The following SH3RF1 variants were observed in gnomAD, a reference collection of about 807,000 sequenced individuals.
SH3RF1 encodes the protein E3 ubiquitin-protein ligase SH3RF1.
In SH3RF1, 32 loss-of-function variants were observed where a neutral mutation model predicts 74.0. The observed-to-expected ratio is 0.43, with a 90% CI of 0.33 to 0.58. The LOEUF is 0.58. SH3RF1 is among the 20% of genes least tolerant of loss of function. The pLI is 0.05. For synonymous variants in SH3RF1, 396 were observed against 439.6 expected (o/e 0.90, Z 1.24); for missense variants, 954 against 1,130.9 (o/e 0.84, Z 2.24).
At chr4:169,245,722 G>A (rs576270360) in intron 2 of SH3RF1, among the ~76,000 whole-genome samples, 4 of 152,308 alleles carry the variant, frequency 2.6e-5, no homozygotes, top group African/African-American at 9.6e-5. Flanking sequence ...CCGTATGGCG[G>A]TGGTAGGTCA....
intron 2 of SH3RF1, among the ~76,000 whole-genome samples, chr4:169,174,020 G>A (rs2126974817): frequency 7.0e-6 from 1 of 143,484 alleles, no homozygotes; most frequent in East Asian, 2.0e-4. Context: ...TATATATGGT[G>A]ACTGAATTCA....
At position 169,178,992 on chromosome 4, in the gene SH3RF1, T is replaced by A. The variant is rs538986156; in HGVS notation, c.394-22313A>T. On this transcript the variant is annotated intron_variant, in intron 2 of 11. Coordinates refer to ENST00000284637, the MANE Select transcript of SH3RF1 (RefSeq NM_020870.4). ...TACATTGCATAGTAGACCCTACCCATGTGTGCTAGGCATAATAATGGCCCC... is the reference window on the plus strand; with the variant it reads ...TACATTGCATAGTAGACCCTACCCAAGTGTGCTAGGCATAATAATGGCCCC... 5.3e-5 allele frequency among the ~76,000 whole-genome samples: 8 copies of A among 152,344 alleles called. No individual in the cohort carries two copies. In the South Asian group the frequency reaches 1.7e-3, roughly 32 times the overall value.
intron 2 of SH3RF1, among the ~76,000 whole-genome samples, chr4:169,261,569 A>G (rs1480518917): frequency 6.6e-6 from 1 of 151,656 alleles, no homozygotes; most frequent in Admixed American, 6.6e-5. Context: ...AAACACTCCA[A>G]CTGCACTCCA....
intron 2 of SH3RF1, among the ~76,000 whole-genome samples, chr4:169,169,291 C>A (rs1418628304): frequency 6.6e-6 from 1 of 152,132 alleles, no homozygotes; most frequent in African/African-American, 2.4e-5. Flanking sequence ...ATAATTAAGT[C>A]TTTTCATTAA....
At chr4:169,189,770 G>A (rs1220200348) in intron 2 of SH3RF1, among the ~76,000 whole-genome samples, 1 of 152,078 alleles carries the variant, frequency 6.6e-6, no homozygotes, top group Non-Finnish European at 1.5e-5. Flanking sequence ...TTCATTCAAG[G>A]GTTGTAAGGC....
Position 169,155,479 on chromosome 4 carries a change from C to T in SH3RF1, c.765+1G>A. The T allele has an allele frequency of 1.2e-6, 2 of 1,605,074 alleles. No homozygotes were observed. The highest frequency in any genetic ancestry group is 1.7e-6 in the Non-Finnish European group (2 of 1,172,116). ...GTTCAAGTTTCTACAGATTAATTTA[C>T]CTCAACATATGAAATTGGAAATATT... On this transcript the variant is annotated splice_donor_variant, in intron 4 of 11. Coordinates refer to ENST00000284637, the MANE Select transcript of SH3RF1 (RefSeq NM_020870.4). LOFTEE classifies it high-confidence loss of function.
intron 2 of SH3RF1, among the ~76,000 whole-genome samples, chr4:169,209,698 T>C (rs1261863927): frequency 6.6e-6 from 1 of 152,196 alleles, no homozygotes; most frequent in Non-Finnish European, 1.5e-5. Context: ...ATCTGTAAAA[T>C]GAAGATAAGA....
chr4:169,249,692 T>C (rs1313502254), intron 2 of SH3RF1, among the ~76,000 whole-genome samples: 1 of 152,032 alleles, frequency 6.6e-6, no homozygotes, highest in Non-Finnish European at 1.5e-5. Context: ...AGAGCAACAG[T>C]AGGAAGGATA....
intron 4 of SH3RF1, among the ~76,000 whole-genome samples, chr4:169,144,600 G>A (rs1370105399): frequency 6.6e-6 from 1 of 152,104 alleles, no homozygotes; most frequent in Admixed American, 6.6e-5. Context: ...AGGATAGGAG[G>A]CACAAATTCA....
At chr4:169,168,920 G>A (rs1734285263) in intron 2 of SH3RF1, among the ~76,000 whole-genome samples, 1 of 152,134 alleles carries the variant, frequency 6.6e-6, no homozygotes, top group African/African-American at 2.4e-5. Flanking sequence ...CATTTGGAAA[G>A]AAAATGAAAT....
chr4:169,139,729 G>A (rs1277448631), intron 4 of SH3RF1, among the ~76,000 whole-genome samples: 1 of 152,204 alleles, frequency 6.6e-6, no homozygotes, highest in Non-Finnish European at 1.5e-5. Flanking sequence ...TATGCAGGTA[G>A]ACACATCCTG....
chr4:169,215,226 C>T (rs114553300), intron 2 of SH3RF1, among the ~76,000 whole-genome samples: 1,802 of 152,174 alleles, frequency 0.012, 41 homozygotes, highest in African/African-American at 0.041. Context: ...AGTTTTTCTT[C>T]TTTAGTTTGT....
At chr4:169,264,118 A>G (rs1332423786) in intron 2 of SH3RF1, among the ~76,000 whole-genome samples, 1 of 152,220 alleles carries the variant, frequency 6.6e-6, no homozygotes, top group African/African-American at 2.4e-5. Context: ...TAGGGCTACT[A>G]CATCCAAGGG....
intron 2 of SH3RF1, among the ~76,000 whole-genome samples, chr4:169,181,006 G>C (rs552221042): frequency 1.3e-5 from 2 of 152,254 alleles, no homozygotes; most frequent in East Asian, 3.9e-4. Context: ...AGGGACCAGA[G>C]GATGCTGTAT....
intron 10 of SH3RF1, among the ~76,000 whole-genome samples, chr4:169,112,515 G>A (rs1316522402): frequency 6.6e-6 from 1 of 152,198 alleles, no homozygotes. Context: ...AAGGGAAGAT[G>A]CTTCAAGAGG....
At chr4:169,181,257 C>CTTTTTTTTTTT (rs397878328) in intron 2 of SH3RF1, among the ~76,000 whole-genome samples, 1 of 103,390 alleles carries the variant, frequency 9.7e-6, no homozygotes, top group African/African-American at 4.1e-5. Context: ...TTGGGAAAGC[C>CTTTTTTTTTTT]TTTTTTTTTT....
intron 2 of SH3RF1, among the ~76,000 whole-genome samples, chr4:169,253,723 G>A (rs1001929159): frequency 6.6e-6 from 1 of 152,156 alleles, no homozygotes; most frequent in Non-Finnish European, 1.5e-5. Context: ...CATTATACAT[G>A]TAACATTTTG....
At chr4:169,252,114 T>C (rs1325495161) in intron 2 of SH3RF1, among the ~76,000 whole-genome samples, 2 of 152,226 alleles carry the variant, frequency 1.3e-5, no homozygotes, top group East Asian at 3.8e-4. Context: ...TTGTTTCAGG[T>C]TGCACTTAAG....
intron 2 of SH3RF1, among the ~76,000 whole-genome samples, chr4:169,170,338 A>C (rs1260601410): frequency 1.3e-5 from 2 of 152,170 alleles, no homozygotes; most frequent in Non-Finnish European, 2.9e-5. Flanking sequence ...CGTGCACCTG[A>C]GACTACTTTT....
Sources: allele counts gnomAD v4.1 joint callset (sites outside exome capture counted in the v4.1 genomes callset), GRCh38; gene constraint gnomAD v4.1.1; transcripts MANE v1.5; gene names NCBI Gene and HGNC (gene_info 2026-07-23, HGNC 2026-07-21).